The following TRMT11 variants were observed in gnomAD, a reference collection of about 807,000 sequenced individuals.
TRMT11 encodes tRNA methyltransferase 11, also known as tRNA (guanine(10)-N(2))-methyltransferase TRMT11.
TRMT11 carries 53 observed loss-of-function variants against 62.8 expected under a neutral mutation model. That is an observed-to-expected ratio of 0.84 (90% CI 0.68 to 1.06). The LOEUF (loss-of-function observed/expected upper bound fraction) is 1.06. Among genes scored for constraint, TRMT11 ranks in the 50% least tolerant of loss-of-function variants. The pLI is 0.00. For missense variants in TRMT11, 556 were observed against 553.4 expected (o/e 1.00, Z -0.05); for synonymous variants, 188 against 190.3 (o/e 0.99, Z 0.10).
chr6:126,266,374 C>A, the TRMT11 span, among the ~76,000 whole-genome samples: 1 of 152,166 alleles, frequency 6.6e-6, no homozygotes, highest in Admixed American at 6.5e-5. Flanking sequence ...TCTACGGTAA[C>A]CACTCGTGTG....
the TRMT11 span, among the ~76,000 whole-genome samples, chr6:126,241,598 G>T: frequency 6.6e-6 from 1 of 152,184 alleles, no homozygotes; most frequent in Non-Finnish European, 1.5e-5. Context: ...TATCCACCAT[G>T]ATCAAGTGGG....
At chr6:126,145,426 G>A (rs1015581816) in intron 21 of TRMT11, among the ~76,000 whole-genome samples, 1 of 152,224 alleles carries the variant, frequency 6.6e-6, no homozygotes, top group African/African-American at 2.4e-5. Context: ...CAGGTTGGGA[G>A]TAGTCTTAAG....
exon 2 of TRMT11, chr6:126,198,819 A>G (rs745807559): frequency 1.3e-5 from 2 of 152,118 alleles, no homozygotes; most frequent in Non-Finnish European, 2.9e-5. Context: ...TTCTACTGTA[A>G]ATGCTTCAAA....
chr6:126,074,398 T>C (rs1776950745), intron 17 of TRMT11, among the ~76,000 whole-genome samples: 1 of 152,182 alleles, frequency 6.6e-6, no homozygotes, highest in Non-Finnish European at 1.5e-5. Context: ...ATTTGTTGAA[T>C]AAATAAGTTA....
At chr6:126,251,622 A>C in the TRMT11 span, among the ~76,000 whole-genome samples, 4 of 152,008 alleles carry the variant, frequency 2.6e-5, no homozygotes, top group African/African-American at 7.3e-5. Context: ...CATCTGTCTA[A>C]TCCACCTCTC....
chr6:126,261,232 T>A, the TRMT11 span, among the ~76,000 whole-genome samples: 1 of 152,188 alleles, frequency 6.6e-6, no homozygotes, highest in Non-Finnish European at 1.5e-5. Flanking sequence ...AGTTTTTATT[T>A]CATTAACTGA....
intron 12 of TRMT11, among the ~76,000 whole-genome samples, chr6:126,037,467 G>A (rs1775401508): frequency 6.6e-6 from 1 of 152,036 alleles, no homozygotes; most frequent in African/African-American, 2.4e-5. Context: ...TATGTAGACT[G>A]AAGTTATTAA....
intron 21 of TRMT11, among the ~76,000 whole-genome samples, chr6:126,151,788 C>T (rs1372994820): frequency 4.5e-4 from 59 of 130,522 alleles, no homozygotes; most frequent in African/African-American, 1.7e-3. Context: ...CCTTTTCCTT[C>T]CTTCCTTCCT....
downstream of TRMT11, among the ~76,000 whole-genome samples, chr6:126,204,115 T>A (rs1158231428): frequency 1.3e-5 from 2 of 152,226 alleles, no homozygotes; most frequent in East Asian, 3.8e-4. Context: ...AATAAAACGA[T>A]AGGCATTAAA....
the TRMT11 span, among the ~76,000 whole-genome samples, chr6:126,261,382 A>G: frequency 6.6e-6 from 1 of 151,978 alleles, no homozygotes; most frequent in African/African-American, 2.4e-5. Context: ...ACTGAGTTTT[A>G]TTAAGATCAT....
At chr6:126,256,897 G>GT in the TRMT11 span, among the ~76,000 whole-genome samples, 1 of 151,752 alleles carries the variant, frequency 6.6e-6, no homozygotes, top group Non-Finnish European at 1.5e-5. Context: ...GTTGTTGTTT[G>GT]TTTTTCGAGA....
At chr6:125,988,550 T>G (rs2128725120) in intron 1 of TRMT11, among the ~76,000 whole-genome samples, 1 of 152,134 alleles carries the variant, frequency 6.6e-6, no homozygotes, top group East Asian at 1.9e-4. Flanking sequence ...GGGTGTGGAG[T>G]AGTTGCCTGA....
chr6:126,259,167 G>C, the TRMT11 span, among the ~76,000 whole-genome samples: 5 of 151,976 alleles, frequency 3.3e-5, no homozygotes, highest in African/African-American at 1.2e-4. Flanking sequence ...TTTTTTTTAT[G>C]GCTGCATAGT....
At chr6:126,253,566 C>T in the TRMT11 span, among the ~76,000 whole-genome samples, 130 of 151,956 alleles carry the variant, frequency 8.6e-4, 1 homozygote, top group Non-Finnish European at 1.4e-3. Flanking sequence ...TCACCAGAAA[C>T]ATGTGAGTAA....
At chr6:126,094,821 T>TG (rs2128172294) in intron 17 of TRMT11, among the ~76,000 whole-genome samples, 1 of 152,250 alleles carries the variant, frequency 6.6e-6, no homozygotes, top group East Asian at 1.9e-4. Flanking sequence ...TATGTGGAGA[T>TG]TTTTCAAAGA....
the TRMT11 span, among the ~76,000 whole-genome samples, chr6:126,249,708 G>A: frequency 5.3e-5 from 8 of 151,976 alleles, no homozygotes; most frequent in South Asian, 2.1e-4. Flanking sequence ...ATAGGGAGGC[G>A]AAAAAGCAAT....
chr6:126,035,215 A>G (rs772631381), intron 12 of TRMT11, among the ~76,000 whole-genome samples: 2 of 152,128 alleles, frequency 1.3e-5, no homozygotes, highest in Admixed American at 1.3e-4. Flanking sequence ...GTGTTGGACC[A>G]TAGACATACT....
chr6:126,240,173 A>G, the TRMT11 span, among the ~76,000 whole-genome samples: 2 of 152,076 alleles, frequency 1.3e-5, no homozygotes, highest in East Asian at 1.9e-4. Flanking sequence ...TTTAGCTTGG[A>G]GAAGTTTGAT....
chr6:126,208,068 T>G (rs1446412283), downstream of TRMT11, among the ~76,000 whole-genome samples: 1 of 152,156 alleles, frequency 6.6e-6, no homozygotes, highest in African/African-American at 2.4e-5. Flanking sequence ...GTGCATTGAA[T>G]AGCAATGAAA....
Sources: gnomAD v4.1 joint callset for allele counts (sites outside exome capture counted in the v4.1 genomes callset) on GRCh38, gnomAD v4.1.1 for gene constraint, MANE v1.5 for transcripts, NCBI Gene and HGNC (gene_info 2026-07-23, HGNC 2026-07-21) for gene names.